The following VTI1A variants were observed in gnomAD, a reference collection of about 807,000 sequenced individuals.
VTI1A encodes the protein vesicle transport through interaction with t-SNAREs 1A.
A neutral mutation model predicts 34.9 loss-of-function variants in VTI1A; 22 were observed. The ratio of observed to expected loss-of-function variants is 0.63; its 90% confidence interval spans 0.45 to 0.90. The LOEUF (loss-of-function observed/expected upper bound fraction) is 0.90, where lower values mean the gene tolerates loss of function less well. Ranked by LOEUF, VTI1A falls within the 40% of genes least tolerant of loss-of-function variation. The probability of loss-of-function intolerance (pLI) is 0.00; values close to 1 mark genes in which losing one functional copy is unlikely to be tolerated. For synonymous variants in VTI1A, 87 were observed against 97.3 expected, an observed-to-expected ratio of 0.89 and a Z score of 0.62; for missense variants, 268 against 275.6, an observed-to-expected ratio of 0.97 and a Z score of 0.20.
chr10:112,716,485 G>A (rs547257350), intron 7 of VTI1A, among the ~76,000 whole-genome samples: 8 of 152,116 alleles, frequency 5.3e-5, no homozygotes, highest in Admixed American at 2.0e-4. Context: ...TGTACACAAG[G>A]AGTTCTTAGC....
At chr10:112,758,338 T>G (rs901598643) in intron 7 of VTI1A, among the ~76,000 whole-genome samples, 25 of 152,106 alleles carry the variant, frequency 1.6e-4, no homozygotes, top group Admixed American at 6.5e-4. Context: ...CCTGGCAACC[T>G]CCACCACCTA....
intron 3 of VTI1A, among the ~76,000 whole-genome samples, chr10:112,505,196 G>A (rs892315480): frequency 7.2e-5 from 11 of 151,910 alleles, no homozygotes; most frequent in Non-Finnish European, 1.5e-4. Context: ...GTTGCAAAGG[G>A]TTTTTGCACC....
At chr10:112,471,458 G>A (rs1848078744) in intron 3 of VTI1A, among the ~76,000 whole-genome samples, 1 of 147,350 alleles carries the variant, frequency 6.8e-6, no homozygotes, top group South Asian at 2.1e-4. Flanking sequence ...GGAATATTAG[G>A]TTCAGAAGAG....
chr10:112,807,325 G>T (rs934029339), intron 7 of VTI1A, among the ~76,000 whole-genome samples: 4 of 152,194 alleles, frequency 2.6e-5, no homozygotes, highest in East Asian at 1.9e-4. Context: ...TCTCATAGTT[G>T]CGAAGACTAG....
intron 5 of VTI1A, among the ~76,000 whole-genome samples, chr10:112,560,665 C>T (rs545024950): frequency 4.6e-4 from 68 of 147,658 alleles, no homozygotes; most frequent in African/African-American, 1.7e-3. Flanking sequence ...GGCATGATCT[C>T]GGCTCACTGC....
At chr10:112,605,448 TG>T (rs901448813) in intron 5 of VTI1A, among the ~76,000 whole-genome samples, 11 of 152,210 alleles carry the variant, frequency 7.2e-5, no homozygotes, top group Non-Finnish European at 2.9e-5. Context: ...ATAGCTTTAC[TG>T]TTTCTCCACT....
intron 4 of VTI1A, among the ~76,000 whole-genome samples, chr10:112,527,769 C>T (rs574695231): frequency 2.0e-5 from 3 of 151,482 alleles, no homozygotes; most frequent in Non-Finnish European, 4.4e-5. Flanking sequence ...TTAAGATCTG[C>T]GTAGGCCAAA....
intron 7 of VTI1A, among the ~76,000 whole-genome samples, chr10:112,813,023 G>C (rs145182769): frequency 1.3e-5 from 2 of 152,342 alleles, no homozygotes; most frequent in African/African-American, 4.8e-5. Flanking sequence ...TCTTTGGGCA[G>C]TTCTCTTTTG....
chr10:112,454,633 T>C (rs1847363197), intron 1 of VTI1A, among the ~76,000 whole-genome samples: 1 of 151,508 alleles, frequency 6.6e-6, no homozygotes, highest in Non-Finnish European at 1.5e-5. Flanking sequence ...TAAAAATGTA[T>C]TGAGTAGGAA....
At chr10:112,772,907 GC>G (rs928292644) in intron 7 of VTI1A, among the ~76,000 whole-genome samples, 1 of 152,218 alleles carries the variant, frequency 6.6e-6, no homozygotes, top group African/African-American at 2.4e-5. Flanking sequence ...GTCATTCAGA[GC>G]AGAACAGGGT....
At chr10:112,701,029 T>C (rs1848990919) in intron 7 of VTI1A, among the ~76,000 whole-genome samples, 1 of 152,208 alleles carries the variant, frequency 6.6e-6, no homozygotes, top group Non-Finnish European at 1.5e-5. Flanking sequence ...AATTAAATTA[T>C]TTGAAAATAA....
chr10:112,466,746 G>A (rs9325541), intron 3 of VTI1A, among the ~76,000 whole-genome samples: 6,140 of 152,150 alleles, frequency 0.04, 215 homozygotes, highest in African/African-American at 0.098. Flanking sequence ...AAAAACAAAG[G>A]GTATGAATTT....
chr10:112,655,134 C>T (rs1219942098), intron 5 of VTI1A, among the ~76,000 whole-genome samples: 2 of 152,188 alleles, frequency 1.3e-5, no homozygotes, highest in Non-Finnish European at 2.9e-5. Context: ...TCTTGTCCCT[C>T]CACCCCCCAT....
At chr10:112,804,100 A>T (rs1053225533) in intron 7 of VTI1A, among the ~76,000 whole-genome samples, 1 of 152,202 alleles carries the variant, frequency 6.6e-6, no homozygotes, top group African/African-American at 2.4e-5. Context: ...ATCTAAACCC[A>T]TCGGACTTAT....
intron 7 of VTI1A, among the ~76,000 whole-genome samples, chr10:112,732,988 C>T (rs957600079): frequency 5.9e-5 from 9 of 152,146 alleles, no homozygotes; most frequent in Admixed American, 2.0e-4. Flanking sequence ...CCCAGCAAAA[C>T]GTGCATAATA....
intron 3 of VTI1A, among the ~76,000 whole-genome samples, chr10:112,500,632 A>G (rs1000644572): frequency 6.6e-6 from 1 of 151,934 alleles, no homozygotes; most frequent in Admixed American, 6.6e-5. Flanking sequence ...GTCACCTGCC[A>G]TTTCACCCAC....
chr10:112,592,762 G>T (rs1289239783), intron 5 of VTI1A, among the ~76,000 whole-genome samples: 6 of 152,206 alleles, frequency 3.9e-5, no homozygotes, highest in Admixed American at 3.3e-4. Context: ...AGCAAATTAT[G>T]AGGATATATG....
intron 7 of VTI1A, among the ~76,000 whole-genome samples, chr10:112,796,403 C>CAAA (rs34102399): frequency 2.7e-5 from 1 of 37,554 alleles, no homozygotes; most frequent in African/African-American, 6.9e-5. Context: ...AAGACTCCGT[C>CAAA]AAAAAAAAAA....
intron 5 of VTI1A, among the ~76,000 whole-genome samples, chr10:112,583,780 T>C (rs1025458916): frequency 2.6e-5 from 4 of 152,146 alleles, no homozygotes; most frequent in African/African-American, 9.7e-5. Flanking sequence ...AAGAGACTTT[T>C]GGTGGAAGGC....
Sources: allele counts gnomAD v4.1 joint callset (sites outside exome capture counted in the v4.1 genomes callset), GRCh38; gene constraint gnomAD v4.1.1; transcripts MANE v1.5; gene names NCBI Gene and HGNC (gene_info 2026-07-23, HGNC 2026-07-21).